Variants in ZNF346 observed in about 807,000 individuals in gnomAD.
The protein encoded by ZNF346 is double-stranded RNA-binding zinc finger protein JAZ.
ZNF346 carries 23 observed loss-of-function variants against 33.7 expected under a neutral mutation model. The observed-to-expected ratio is 0.68, with a 90% CI of 0.49 to 0.97. The LOEUF is 0.97. Among genes scored for constraint, ZNF346 ranks in the 50% least tolerant of loss-of-function variants. The pLI is 0.00. For missense variants in ZNF346, 340 were observed against 371.1 expected (o/e 0.92, Z 0.69); for synonymous variants, 134 against 142.4 (o/e 0.94, Z 0.42).
chr5:177,055,074 C>G (rs1459063906), intron 5 of ZNF346, among the ~76,000 whole-genome samples: 1 of 146,836 alleles, frequency 6.8e-6, no homozygotes, highest in Non-Finnish European at 1.5e-5. Flanking sequence ...CATTCTGTCA[C>G]TCAGGCTGGA....
chr5:177,026,858 C>T (rs575401312), intron 1 of ZNF346, among the ~76,000 whole-genome samples: 3 of 152,236 alleles, frequency 2.0e-5, no homozygotes, highest in South Asian at 2.1e-4. Flanking sequence ...ATTGGCTGTA[C>T]ATTAAGCTGT....
chr5:177,023,001 G>A, intron 1 of ZNF346, 88 bp downstream of exon 1: 1 of 1,447,130 alleles, frequency 6.9e-7, no homozygotes, highest in Non-Finnish European at 9.1e-7. Flanking sequence ...CACACCCCCT[G>A]GCCCGCCTCC....
intron 4 of ZNF346, 61 bp downstream of exon 4, chr5:177,044,594 C>G: frequency 6.4e-7 from 1 of 1,554,358 alleles, no homozygotes; most frequent in Non-Finnish European, 8.8e-7. Context: ...GCACTACTGC[C>G]AGGGGCTCAC....
chr5:177,049,256 TTTC>T (rs776105673), intron 4 of ZNF346, among the ~76,000 whole-genome samples: 51 of 152,220 alleles, frequency 3.4e-4, no homozygotes, highest in Non-Finnish European at 6.6e-4. Flanking sequence ...GGCCAGCAAA[TTTC>T]TTCTGGCTTG....
chr5:177,054,485 G>A (rs573657964), intron 5 of ZNF346, among the ~76,000 whole-genome samples: 7 of 151,968 alleles, frequency 4.6e-5, no homozygotes, highest in South Asian at 2.1e-4. Context: ...TGGAACCTCC[G>A]CCTTCCAGTT....
intron 1 of ZNF346, among the ~76,000 whole-genome samples, chr5:177,024,706 A>G (rs771628934): frequency 6.6e-6 from 1 of 152,234 alleles, no homozygotes; most frequent in South Asian, 2.1e-4. Context: ...TGTAATGTAA[A>G]GGATGCAGTG....
At chr5:177,027,253 A>C (rs565434080) in intron 1 of ZNF346, among the ~76,000 whole-genome samples, 7 of 151,806 alleles carry the variant, frequency 4.6e-5, no homozygotes, top group Non-Finnish European at 8.8e-5. Context: ...GAGTTTCACC[A>C]TGTTGGTCAG....
chr5:177,024,596 C>G (rs4559017), intron 1 of ZNF346, among the ~76,000 whole-genome samples: 45,873 of 152,086 alleles, frequency 0.3, 8,622 homozygotes, highest in East Asian at 0.5. Flanking sequence ...GGACCCGGAA[C>G]TGGTTGAGCT....
chr5:177,041,908 A>G (rs1442615275), intron 3 of ZNF346, 38 bp downstream of exon 3: 1 of 1,411,364 alleles, frequency 7.1e-7, no homozygotes, highest in Non-Finnish European at 1.0e-6. Flanking sequence ...TTGCTTCATG[A>G]TGAAGCCAGC....
At position 177,076,128 on chromosome 5, in the gene ZNF346, A is replaced by G. The variant is rs185901170; in HGVS notation, c.*3-3254A>G. 1.2e-3 allele frequency among the ~76,000 whole-genome samples: 184 copies of G among 152,348 alleles called. 2 individuals are homozygous for G. Among genetic ancestry groups the G allele is most frequent in the Non-Finnish European group, 2.0e-3 (138 of 68,044 alleles). On this transcript the variant is annotated intron_variant, in intron 8 of 8. Coordinates refer to the ZNF346 transcript ENST00000503039. Reference sequence around the variant, plus strand: ...CTGTGCCTGGCTGTGACTCACTTTTAACTAATAGAATAAGACAGAAGTGAC... The same window carrying G: ...CTGTGCCTGGCTGTGACTCACTTTTGACTAATAGAATAAGACAGAAGTGAC...
At position 177,049,906 on chromosome 5, in the gene ZNF346, G is replaced by A. The variant is rs112909667; in HGVS notation, c.518-845G>A. 7.2e-5 allele frequency among the ~76,000 whole-genome samples: 11 copies of A among 151,812 alleles called. 1 individual carries two copies. The highest frequency in any genetic ancestry group is 2.1e-4 in the South Asian group (1 of 4,796). On this transcript the variant is annotated intron_variant, in intron 4 of 6. Coordinates refer to ENST00000358149, the MANE Select transcript of ZNF346 (RefSeq NM_012279.4). The stretch of plus-strand genomic sequence containing the variant: ...GGCTGGAGTGCAGTGGCGCAATCTC[G>A]GCTCGCTGCAACCTCCGCCTCCTGG...
rs1357637606 is a variant in ZNF346, at chr5:177,066,277, T to C, written c.*1678T>C. The stretch of plus-strand genomic sequence containing the variant: ...TTTGAGAGAACTGTTCTGGCTGTTA[T>C]GTAAAGGAGTGCAGGGAGGGGCAGG... On this transcript the variant is annotated 3_prime_UTR_variant, in exon 7 of 7. Transcript: ENST00000358149. Among the ~76,000 whole-genome samples the C allele has an allele frequency of 1.3e-5, 2 of 151,654 alleles. No individual in the cohort carries two copies. Among genetic ancestry groups the C allele is most frequent in the South Asian group, 2.1e-4 (1 of 4,792 alleles).
chr5:177,051,170 C>CTTT lies in ZNF346; in HGVS notation c.703+254_703+256dup, dbSNP rs906484576. ...TACCATATCTTTCAGGTTTTCTTTT[C>CTTT]TTTTTTTTTTTTTTTTTTTTTTGAG... On this transcript the variant is annotated intron_variant, in intron 5 of 6. Coordinates refer to ENST00000358149, the MANE Select transcript of ZNF346 (RefSeq NM_012279.4). Among the ~76,000 whole-genome samples the CTTT allele has an allele frequency of 1.4e-3, 142 of 104,830 alleles. 1 individual carries two copies. The highest frequency in any genetic ancestry group is 3.1e-3 in the African/African-American group (78 of 25,092). 68.8% of individuals were successfully genotyped at this position (104,830 alleles called of 152,430 possible).
rs1322766079 is a variant in ZNF346 at position 177,050,920 on chromosome 5, T to C, written c.687T>C (p.Ala229=). ...MARYGRLADP[A]VTDFPAGKGY... is the part of the protein sequence containing the mutation. ...GCTATGGGCGGCTGGCGGACCCTGCTGTCACTGACTTTCCAGGTGAGGGGG... is the reference window on the plus strand; with the variant it reads ...GCTATGGGCGGCTGGCGGACCCTGCCGTCACTGACTTTCCAGGTGAGGGGG... Residue 229 remains alanine, a synonymous_variant, in exon 5 of 7, where the codon GCT becomes GCC. Transcript: ENST00000358149. The C allele has an allele frequency of 1.2e-6, 2 of 1,614,136 alleles. No individual in the cohort carries two copies. Among genetic ancestry groups the C allele is most frequent in the Admixed American group, 3.3e-5 (2 of 60,012 alleles).
chr5:177,054,098 A>G (rs1781348932), intron 5 of ZNF346, among the ~76,000 whole-genome samples: 1 of 148,704 alleles, frequency 6.7e-6, no homozygotes, highest in Admixed American at 6.7e-5. Context: ...TTTTTGAGAT[A>G]GGGTCTTCTC....
chr5:177,047,174 A>C (rs1780172071), intron 4 of ZNF346, among the ~76,000 whole-genome samples: 1 of 151,310 alleles, frequency 6.6e-6, no homozygotes, highest in Admixed American at 6.6e-5. Context: ...TCAGCCTCCC[A>C]AGTAGCTGGG....
At chr5:177,061,655 A>G (rs1007950777) in intron 5 of ZNF346, among the ~76,000 whole-genome samples, 1 of 152,184 alleles carries the variant, frequency 6.6e-6, no homozygotes, top group Non-Finnish European at 1.5e-5. Context: ...CGTTCTCACT[A>G]ATTACTGTTA....
Position 177,050,941 on chromosome 5 carries a change from G to A in ZNF346, c.703+5G>A. ...CTGCTGTCACTGACTTTCCAGGTGA[G>A]GGGGCCTAGCTCACACCCAGAGCTG... On this transcript the variant is annotated splice_donor_5th_base_variant and intron_variant, in intron 5 of 6. Transcript: ENST00000358149. The A allele has an allele frequency of 6.2e-7, 1 of 1,612,572 alleles. No homozygotes were observed. Among genetic ancestry groups the A allele is most frequent in the Non-Finnish European group, 8.5e-7 (1 of 1,178,684 alleles).
intron 4 of ZNF346, among the ~76,000 whole-genome samples, chr5:177,048,779 T>C (rs1004946322): frequency 1.4e-5 from 2 of 145,046 alleles, no homozygotes; most frequent in Non-Finnish European, 3.0e-5. Context: ...GTTTTTTTCT[T>C]TTTTTTTCTT....
Sources: allele counts gnomAD v4.1 joint callset (sites outside exome capture counted in the v4.1 genomes callset), GRCh38; gene constraint gnomAD v4.1.1; transcripts MANE v1.5; gene names NCBI Gene and HGNC (gene_info 2026-07-23, HGNC 2026-07-21).